NFIB: variants seen among roughly 807,000 people sequenced by gnomAD.
NFIB encodes the protein nuclear factor I B, also known as nuclear factor 1 B-type.
Under a neutral mutation model 61.5 loss-of-function variants are expected in NFIB, and 11 were observed. That is an observed-to-expected ratio of 0.18 (90% CI 0.11 to 0.30). The LOEUF (loss-of-function observed/expected upper bound fraction) is 0.30. Among genes scored for constraint, NFIB ranks in the 10% least tolerant of loss-of-function variants. NFIB has a pLI of 1.00. For synonymous variants in NFIB, 260 were observed against 216.5 expected, an observed-to-expected ratio of 1.20 and a Z score of -1.76; for missense variants, 471 against 608.9, an observed-to-expected ratio of 0.77 and a Z score of 2.38.
chr9:14,217,625 A>G (rs1015972250), intron 2 of NFIB, among the ~76,000 whole-genome samples: 2 of 137,832 alleles, frequency 1.5e-5, no homozygotes, highest in East Asian at 4.4e-4. Context: ...GCAACATTGC[A>G]TGCCAGCCTG....
chr9:14,145,624 G>A (rs2042195165), intron 6 of NFIB, among the ~76,000 whole-genome samples: 1 of 150,034 alleles, frequency 6.7e-6, no homozygotes, highest in Non-Finnish European at 1.5e-5. Context: ...GTCCTGGGCT[G>A]AAAACCATTA....
the NFIB span, among the ~76,000 whole-genome samples, chr9:14,460,370 G>A: frequency 6.7e-6 from 1 of 149,196 alleles, no homozygotes; most frequent in Admixed American, 6.7e-5. Context: ...GCCTGTTGCG[G>A]GGTGGGGGGA....
At chr9:14,366,178 C>G (rs2061297711) in intron 1 of NFIB, among the ~76,000 whole-genome samples, 2 of 152,114 alleles carry the variant, frequency 1.3e-5, no homozygotes. Context: ...GGCTTTAGGC[C>G]CCTGAATCTG....
intron 2 of NFIB, among the ~76,000 whole-genome samples, chr9:14,265,374 A>C (rs1471350665): frequency 6.6e-6 from 1 of 152,186 alleles, no homozygotes; most frequent in African/African-American, 2.4e-5. Flanking sequence ...AGATTACGTG[A>C]CATCATAAGG....
chr9:14,407,182 G>C, the NFIB span, among the ~76,000 whole-genome samples: 1 of 152,118 alleles, frequency 6.6e-6, no homozygotes, highest in Non-Finnish European at 1.5e-5. Flanking sequence ...CATTGTAAAA[G>C]TTAGGTTAAA....
chr9:14,414,364 G>C, the NFIB span, among the ~76,000 whole-genome samples: 4 of 150,674 alleles, frequency 2.7e-5, no homozygotes, highest in East Asian at 7.8e-4. Context: ...GAACCCGAGA[G>C]GCAGAGGTTG....
At chr9:14,109,371 C>T (rs2037018531) in intron 10 of NFIB, among the ~76,000 whole-genome samples, 1 of 151,956 alleles carries the variant, frequency 6.6e-6, no homozygotes, top group South Asian at 2.1e-4. Flanking sequence ...AAAGGATATA[C>T]TGCATTTTAC....
chr9:14,144,873 G>C (rs1288471689), intron 6 of NFIB, among the ~76,000 whole-genome samples: 5 of 152,092 alleles, frequency 3.3e-5, no homozygotes, highest in Admixed American at 2.6e-4. Context: ...TGTTGAATTC[G>C]CAACTTCAAG....
rs34054280 is a variant in NFIB, at chr9:14,083,096, TA to T, written c.*5212del. 142,569 of 180,656 alleles carry T rather than the reference TA, an allele frequency of 0.79. 56,096 individuals are homozygous for T. The highest frequency in any genetic ancestry group is 0.94 in the South Asian group (4,528 of 4,836). The allele number at this position is 180,656 out of a possible 1,614,324, so 11.2% of individuals were successfully genotyped here. A position where few individuals can be genotyped will look rare whatever the true frequency, so the allele number is the denominator to read the frequency against. On this transcript the variant is annotated 3_prime_UTR_variant, in exon 11 of 11. Transcript: ENST00000380953. ...ATTAACTAGTGAACCCTTTTATTAT[TA>T]AAAAAAAAAAAAAACTACTTACAAC...
intron 1 of NFIB, among the ~76,000 whole-genome samples, chr9:14,354,511 C>T (rs191268927): frequency 5.6e-4 from 86 of 152,326 alleles, no homozygotes; most frequent in African/African-American, 1.9e-3. Context: ...TAACATTTTT[C>T]TACAAATAGG....
At chr9:14,434,029 A>G in the NFIB span, among the ~76,000 whole-genome samples, 17 of 152,224 alleles carry the variant, frequency 1.1e-4, no homozygotes, top group South Asian at 2.1e-4. Context: ...TGAAGAGCTG[A>G]GCACTAAGCT....
intron 10 of NFIB, among the ~76,000 whole-genome samples, chr9:14,089,787 C>G (rs2033568172): frequency 6.6e-6 from 1 of 152,124 alleles, no homozygotes; most frequent in Admixed American, 6.5e-5. Flanking sequence ...AAAACCTTTA[C>G]AGAATATCAA....
At chr9:14,338,956 G>A (rs923583851) in intron 1 of NFIB, among the ~76,000 whole-genome samples, 1 of 151,528 alleles carries the variant, frequency 6.6e-6, no homozygotes, top group Non-Finnish European at 1.5e-5. Flanking sequence ...CCTAAATAGA[G>A]AAAAGATGGT....
chr9:14,089,301 A>G (rs1244646420), intron 10 of NFIB, among the ~76,000 whole-genome samples: 1 of 151,664 alleles, frequency 6.6e-6, no homozygotes, highest in Non-Finnish European at 1.5e-5. Flanking sequence ...GAGGCAGTAA[A>G]TGATAAGATT....
At chr9:14,216,573 T>TGG (rs1276391920) in intron 2 of NFIB, among the ~76,000 whole-genome samples, 6 of 150,884 alleles carry the variant, frequency 4.0e-5, no homozygotes, top group African/African-American at 7.3e-5. Flanking sequence ...TGTGTGTGTG[T>TGG]GTGTGTGTGT....
the NFIB span, among the ~76,000 whole-genome samples, chr9:14,453,248 A>G: frequency 6.6e-6 from 1 of 152,254 alleles, no homozygotes; most frequent in Non-Finnish European, 1.5e-5. Context: ...GTAATGTATA[A>G]CAAACATTGG....
the NFIB span, among the ~76,000 whole-genome samples, chr9:14,409,434 G>C: frequency 6.6e-6 from 1 of 152,110 alleles, no homozygotes; most frequent in South Asian, 2.1e-4. Context: ...CACACGGCTG[G>C]ATTGCAGTTC....
In NFIB at chr9:14,371,237, C is replaced by G. The variant is rs571048585; in HGVS notation, c.108+27287G>C. ...CAGTCATCTCTGGAACTTTTCATATCTTTTCCATCATTATATGTTAGCTTT... is the reference window on the plus strand; with the variant it reads ...CAGTCATCTCTGGAACTTTTCATATGTTTTCCATCATTATATGTTAGCTTT... On this transcript the variant is annotated intron_variant, in intron 1 of 8. Transcript: ENST00000380934. Among the ~76,000 whole-genome samples, 32 of 152,352 alleles carry G rather than the reference C, an allele frequency of 2.1e-4. No individual in the cohort carries two copies. The South Asian group carries it at 6.6e-3, about 32-fold the overall frequency.
chr9:14,216,939 G>T (rs1264175225), intron 2 of NFIB, among the ~76,000 whole-genome samples: 1 of 152,174 alleles, frequency 6.6e-6, no homozygotes, highest in Non-Finnish European at 1.5e-5. Context: ...AGCTAGAACA[G>T]CTATCCATAT....
Sources: gnomAD v4.1 joint callset for allele counts (sites outside exome capture counted in the v4.1 genomes callset) on GRCh38, gnomAD v4.1.1 for gene constraint, MANE v1.5 for transcripts, NCBI Gene and HGNC (gene_info 2026-07-23, HGNC 2026-07-21) for gene names.